EXT1: variants seen among roughly 807,000 people sequenced by gnomAD.
EXT1 encodes exostosin glycosyltransferase 1.
Under a neutral mutation model 82.5 loss-of-function variants are expected in EXT1, and 20 were observed. The ratio of observed to expected loss-of-function variants is 0.24; its 90% CI spans 0.17 to 0.35. EXT1 has a LOEUF of 0.35. Ranked by LOEUF, EXT1 falls within the 10% of genes least tolerant of loss-of-function variation. The probability of loss-of-function intolerance (pLI) is 1.00; values close to 1 mark genes in which losing one functional copy is unlikely to be tolerated. For synonymous variants in EXT1, 348 were observed against 350.8 expected (o/e 0.99, Z 0.09); for missense variants, 757 against 936.5 (o/e 0.81, Z 2.50).
At chr8:118,037,683 G>C (rs897675558) in intron 1 of EXT1, among the ~76,000 whole-genome samples, 1 of 152,054 alleles carries the variant, frequency 6.6e-6, no homozygotes, top group Non-Finnish European at 1.5e-5. Context: ...CAAATATAAA[G>C]TTCTCCACTG....
At chr8:117,935,936 G>A (rs1042876347) in intron 1 of EXT1, among the ~76,000 whole-genome samples, 9 of 152,026 alleles carry the variant, frequency 5.9e-5, no homozygotes, top group Admixed American at 4.6e-4. Context: ...TACAAAGAAG[G>A]AACACCAGGC....
chr8:118,102,236 C>T lies in EXT1; in HGVS notation c.962+7849G>A, dbSNP rs190204656. Reference sequence around the variant, plus strand: ...GAGCCGAGATCGCGCCACTGCACTCCAGCCTGGGTGACAGAGCAAGACTCT... The same window carrying T: ...GAGCCGAGATCGCGCCACTGCACTCTAGCCTGGGTGACAGAGCAAGACTCT... On this transcript the variant is annotated intron_variant, in intron 1 of 10. Transcript: ENST00000378204. Among the ~76,000 whole-genome samples, 283 of 151,916 alleles carry T rather than the reference C, an allele frequency of 1.9e-3. 2 individuals are homozygous for T. Among genetic ancestry groups the T allele is most frequent in the African/African-American group, 6.4e-3 (265 of 41,418 alleles).
chr8:117,852,227 T>A (rs1812467841), intron 1 of EXT1, among the ~76,000 whole-genome samples: 1 of 152,200 alleles, frequency 6.6e-6, no homozygotes, highest in African/African-American at 2.4e-5. Flanking sequence ...GCACGTTGCC[T>A]CCTTTCCATA....
At chr8:117,904,162 G>C (rs769652714) in intron 1 of EXT1, among the ~76,000 whole-genome samples, 2 of 152,212 alleles carry the variant, frequency 1.3e-5, no homozygotes, top group Non-Finnish European at 2.9e-5. Context: ...AACTGGAAAC[G>C]TGAGAATAAC....
chr8:117,866,876 C>T (rs1812782412), intron 1 of EXT1, among the ~76,000 whole-genome samples: 1 of 151,474 alleles, frequency 6.6e-6, no homozygotes, highest in Non-Finnish European at 1.5e-5. Context: ...GGCCATAAGA[C>T]CAACTCTAAA....
intron 1 of EXT1, among the ~76,000 whole-genome samples, chr8:117,944,976 C>T (rs552156940): frequency 6.6e-6 from 1 of 152,116 alleles, no homozygotes; most frequent in East Asian, 1.9e-4. Flanking sequence ...TCCTGGCTAA[C>T]ACGGTGAAAC....
intron 10 of EXT1, among the ~76,000 whole-genome samples, chr8:117,802,272 T>C (rs1823177949): frequency 6.6e-6 from 1 of 152,178 alleles, no homozygotes; most frequent in South Asian, 2.1e-4. Flanking sequence ...CTTGTATGAC[T>C]AGAATTCCCC....
intron 7 of EXT1, 36 bp from the exon 8 acceptor site, chr8:117,812,997 T>C: frequency 1.3e-6 from 2 of 1,560,662 alleles, no homozygotes; most frequent in Non-Finnish European, 1.8e-6. Context: ...GGGGAGGGAA[T>C]GAGGGAAAGA....
At position 117,992,438 on chromosome 8, in the gene EXT1, TAAAAAAAAAAAA is replaced by T. The variant is rs142840509; in HGVS notation, c.962+117635_962+117646del. Among the ~76,000 whole-genome samples, 9 of 53,120 alleles carry T rather than the reference TAAAAAAAAAAAA, an allele frequency of 1.7e-4. No homozygotes were observed. The Admixed American group carries it at 1.8e-3, about 11-fold the overall frequency. The allele number at this position is 53,120 out of a possible 152,430, so 34.8% of individuals were successfully genotyped here. On this transcript the variant is annotated intron_variant, in intron 1 of 10. Transcript: ENST00000378204. ...ACGGGACCTCCTCCTTTCAACTAGCTAAAAAAAAAAAAAAAAAAAAAAAAATGTTCAAGCAGA... is the reference window on the plus strand; with the variant it reads ...ACGGGACCTCCTCCTTTCAACTAGCTAAAAAAAAAAAAATGTTCAAGCAGA...
At chr8:118,094,455 C>A (rs867011140) in intron 1 of EXT1, among the ~76,000 whole-genome samples, 6 of 152,152 alleles carry the variant, frequency 3.9e-5, no homozygotes, top group African/African-American at 1.4e-4. Context: ...GAAATTAAAA[C>A]CATGATAAAC....
intron 1 of EXT1, among the ~76,000 whole-genome samples, chr8:118,036,951 G>C (rs745951126): frequency 6.6e-6 from 1 of 151,946 alleles, no homozygotes; most frequent in Non-Finnish European, 1.5e-5. Context: ...GAATCTCCAG[G>C]GTCTAGGGGC....
chr8:118,031,658 T>C (rs1816321101), intron 1 of EXT1, among the ~76,000 whole-genome samples: 1 of 152,118 alleles, frequency 6.6e-6, no homozygotes, highest in South Asian at 2.1e-4. Context: ...TGAACTATAG[T>C]GTCTCCTTCC....
rs889036900 is a variant in EXT1, at chr8:118,004,109, GA to G, written c.962+105975del. On this transcript the variant is annotated intron_variant, in intron 1 of 10. Transcript: ENST00000378204. Reference sequence around the variant, plus strand: ...ACAACCTCCCAAACAGCAGAGGCAGGAAAAAAAAAATTGTGGGGAAACCTAC... The same window carrying G: ...ACAACCTCCCAAACAGCAGAGGCAGGAAAAAAAAATTGTGGGGAAACCTAC... Among the ~76,000 whole-genome samples the G allele has an allele frequency of 4.2e-4, 63 of 149,902 alleles. 1 individual carries two copies. The highest frequency in any genetic ancestry group is 7.8e-4 in the East Asian group (4 of 5,120).
intron 1 of EXT1, among the ~76,000 whole-genome samples, chr8:118,036,068 C>T (rs1474065165): frequency 1.3e-5 from 2 of 149,874 alleles, no homozygotes; most frequent in Non-Finnish European, 2.9e-5. Flanking sequence ...CTCTGTATCT[C>T]AGTCTTTTTT....
intron 1 of EXT1, among the ~76,000 whole-genome samples, chr8:117,885,597 A>G (rs1243185303): frequency 6.6e-6 from 1 of 152,056 alleles, no homozygotes; most frequent in African/African-American, 2.4e-5. Flanking sequence ...AAATGGTAAC[A>G]TACCATTAGA....
chr8:117,957,637 A>T (rs1213754229), intron 1 of EXT1, among the ~76,000 whole-genome samples: 1 of 152,204 alleles, frequency 6.6e-6, no homozygotes, highest in African/African-American at 2.4e-5. Flanking sequence ...AGGTTCCCCC[A>T]AGTGCGTTTT....
chr8:117,844,613 C>A (rs1038946846), intron 1 of EXT1, among the ~76,000 whole-genome samples: 3 of 152,122 alleles, frequency 2.0e-5, no homozygotes, highest in African/African-American at 4.8e-5. Flanking sequence ...AATTAGGAGA[C>A]TTGAAAACAT....
At chr8:117,971,035 AG>A (rs1323782752) in intron 1 of EXT1, among the ~76,000 whole-genome samples, 1 of 152,106 alleles carries the variant, frequency 6.6e-6, no homozygotes, top group Non-Finnish European at 1.5e-5. Context: ...CATTCCCTTC[AG>A]GGGCACTGCA....
intron 1 of EXT1, among the ~76,000 whole-genome samples, chr8:118,061,037 A>G (rs1816872987): frequency 1.3e-5 from 2 of 152,334 alleles, no homozygotes. Context: ...GAAGCATCAC[A>G]GAGACAAAAA....
Sources: allele counts gnomAD v4.1 joint callset (sites outside exome capture counted in the v4.1 genomes callset), GRCh38; gene constraint gnomAD v4.1.1; transcripts MANE v1.5; gene names NCBI Gene and HGNC (gene_info 2026-07-23, HGNC 2026-07-21).